Variants in WDR7 observed in about 807,000 individuals in gnomAD.
The protein encoded by WDR7 is WD repeat domain 7.
WDR7 carries 46 observed loss-of-function variants against 169.4 expected under a neutral mutation model. That is an observed-to-expected ratio of 0.27 (90% CI 0.21 to 0.35). The LOEUF (loss-of-function observed/expected upper bound fraction) is 0.35, where lower values mean the gene tolerates loss of function less well. WDR7 is among the 10% of genes least tolerant of loss of function. WDR7 has a pLI of 1.00. For missense variants in WDR7, 1,534 were observed against 1,859.3 expected (o/e 0.83, Z 3.22); for synonymous variants, 612 against 666.8 (o/e 0.92, Z 1.27).
At chr18:56,955,765 A>G (rs546073522) in intron 25 of WDR7, among the ~76,000 whole-genome samples, 28 of 152,278 alleles carry the variant, frequency 1.8e-4, no homozygotes, top group Non-Finnish European at 3.7e-4. Context: ...CTTCTGTTGC[A>G]TTAACTCATT....
intron 16 of WDR7, among the ~76,000 whole-genome samples, chr18:56,769,544 A>G (rs1424085391): frequency 1.3e-5 from 2 of 152,074 alleles, no homozygotes; most frequent in African/African-American, 2.4e-5. Context: ...CATTAATCTC[A>G]TGACGTAAGT....
chr18:56,952,737 A>G (rs1198011620), intron 25 of WDR7, among the ~76,000 whole-genome samples: 3 of 152,234 alleles, frequency 2.0e-5, no homozygotes, highest in Admixed American at 6.5e-5. Flanking sequence ...CATTCAGACA[A>G]TGGAATATTT....
At chr18:56,907,924 G>A (rs2046501616) in intron 21 of WDR7, among the ~76,000 whole-genome samples, 1 of 152,204 alleles carries the variant, frequency 6.6e-6, no homozygotes, top group Admixed American at 6.5e-5. Context: ...CAGAACAGCA[G>A]CTGTATATGC....
chr18:56,907,784 G>A (rs2046499716), intron 21 of WDR7, among the ~76,000 whole-genome samples: 1 of 152,202 alleles, frequency 6.6e-6, no homozygotes, highest in South Asian at 2.1e-4. Context: ...TTGGTAGAAA[G>A]GGTGAACAAA....
At chr18:56,998,365 T>A (rs1317782066) in intron 26 of WDR7, among the ~76,000 whole-genome samples, 1 of 152,178 alleles carries the variant, frequency 6.6e-6, no homozygotes, top group Non-Finnish European at 1.5e-5. Context: ...ATTGTAGGCA[T>A]AATGCAGGTA....
intron 19 of WDR7, among the ~76,000 whole-genome samples, chr18:56,814,555 A>G (rs2044930680): frequency 6.6e-6 from 1 of 152,126 alleles, no homozygotes; most frequent in African/African-American, 2.4e-5. Flanking sequence ...TGATCATATA[A>G]ATCTAACAAA....
At chr18:56,716,430 A>G (rs1361090234) in intron 12 of WDR7, among the ~76,000 whole-genome samples, 2 of 152,220 alleles carry the variant, frequency 1.3e-5, no homozygotes, top group Non-Finnish European at 2.9e-5. Context: ...AAGAATAAAA[A>G]TAAAACAGTT....
chr18:56,712,228 A>G (rs1279354368), intron 12 of WDR7, among the ~76,000 whole-genome samples: 1 of 152,224 alleles, frequency 6.6e-6, no homozygotes, highest in Non-Finnish European at 1.5e-5. Flanking sequence ...TCTGTAATTC[A>G]TGGCAGATGC....
In WDR7 at chr18:57,027,096, C is replaced by T. The variant is rs376296130; in HGVS notation, c.4362C>T (p.Pro1454=). Residue 1454 remains proline (P), a synonymous_variant, in exon 28 of 28, where the codon CCC becomes CCT. Coordinates refer to ENST00000254442, the MANE Select transcript of WDR7 (RefSeq NM_015285.3). ...CCTACCAGGTGCCCCCTGTGCAGCC[C>T]GCGTCCCCCGGCTCCCACAATGCCC... is the stretch of plus-strand genomic sequence containing the variant. The part of the protein sequence containing the change: ...IKTYQVPPVQ[P]ASPGSHNALK... 8.6e-5 allele frequency: 139 copies of T among 1,614,132 alleles called. No individual in the cohort carries two copies. The highest frequency in any genetic ancestry group is 4.9e-4 in the Middle Eastern group (3 of 6,062).
At chr18:56,865,003 C>CT (rs1301143681) in intron 20 of WDR7, among the ~76,000 whole-genome samples, 1 of 151,954 alleles carries the variant, frequency 6.6e-6, no homozygotes, top group Non-Finnish European at 1.5e-5. Context: ...CATTGATATC[C>CT]TTTTTACTAA....
intron 26 of WDR7, among the ~76,000 whole-genome samples, chr18:57,018,796 T>C (rs1388136850): frequency 6.6e-6 from 1 of 152,196 alleles, no homozygotes; most frequent in African/African-American, 2.4e-5. Context: ...AATTTCAGAC[T>C]TTTAGCAGAA....
chr18:56,967,332 G>A (rs2047424265), intron 26 of WDR7, among the ~76,000 whole-genome samples: 1 of 152,058 alleles, frequency 6.6e-6, no homozygotes, highest in African/African-American at 2.4e-5. Context: ...GTCCTGCTGT[G>A]CTGCTGACTG....
At chr18:56,798,711 T>C (rs1038498610) in intron 19 of WDR7, among the ~76,000 whole-genome samples, 23 of 152,200 alleles carry the variant, frequency 1.5e-4, no homozygotes, top group African/African-American at 5.5e-4. Flanking sequence ...CTTTTCCATT[T>C]AGTATTTGCT....
intron 20 of WDR7, among the ~76,000 whole-genome samples, chr18:56,857,386 G>A (rs981581292): frequency 1.3e-5 from 2 of 152,020 alleles, no homozygotes; most frequent in African/African-American, 2.4e-5. Flanking sequence ...AGCCTCCAGG[G>A]TAGCTGGGAC....
chr18:56,878,442 T>G (rs777621366), intron 20 of WDR7, among the ~76,000 whole-genome samples: 5 of 152,196 alleles, frequency 3.3e-5, no homozygotes, highest in Admixed American at 6.5e-5. Context: ...CTTAGAAACC[T>G]GAGCTGTTTA....
intron 21 of WDR7, among the ~76,000 whole-genome samples, chr18:56,902,539 C>G (rs1209227324): frequency 6.6e-6 from 1 of 152,132 alleles, no homozygotes; most frequent in African/African-American, 2.4e-5. Flanking sequence ...ATTTTTCTGT[C>G]TGAATGCCTG....
intron 12 of WDR7, among the ~76,000 whole-genome samples, chr18:56,717,738 T>A (rs1315946894): frequency 6.6e-6 from 1 of 152,226 alleles, no homozygotes; most frequent in Non-Finnish European, 1.5e-5. Flanking sequence ...CCAGTGTACC[T>A]TTTGCAATCT....
At chr18:56,709,725 C>T (rs1484098125) in intron 12 of WDR7, among the ~76,000 whole-genome samples, 1 of 152,044 alleles carries the variant, frequency 6.6e-6, no homozygotes, top group Non-Finnish European at 1.5e-5. Context: ...GTAGTTTTCT[C>T]CAATTTTTGT....
chr18:57,009,263 T>C (rs2048106265), intron 26 of WDR7, among the ~76,000 whole-genome samples: 1 of 152,222 alleles, frequency 6.6e-6, no homozygotes, highest in Non-Finnish European at 1.5e-5. Flanking sequence ...TTTTGAACAA[T>C]GCAATTGTTT....
Sources: allele counts gnomAD v4.1 joint callset (sites outside exome capture counted in the v4.1 genomes callset), GRCh38; gene constraint gnomAD v4.1.1; transcripts MANE v1.5; gene names NCBI Gene and HGNC (gene_info 2026-07-23, HGNC 2026-07-21).